Variants in KDM4C observed in about 807,000 individuals in gnomAD.
KDM4C encodes the protein lysine demethylase 4C.
KDM4C carries 81 observed loss-of-function variants against 129.3 expected under a neutral mutation model. The observed-to-expected ratio is 0.63, with a 90% confidence interval of 0.52 to 0.75. The LOEUF (loss-of-function observed/expected upper bound fraction) is 0.75. Among genes scored for constraint, KDM4C ranks in the 30% least tolerant of loss-of-function variants. The probability of loss-of-function intolerance (pLI) is 0.00; values close to 1 mark genes in which losing one functional copy is unlikely to be tolerated. For missense variants in KDM4C, 1,457 were observed against 1,304.0 expected (o/e 1.12, Z -1.81); for synonymous variants, 573 against 456.1 (o/e 1.26, Z -3.26).
chr9:6,782,208 G>C (rs1824498536), intron 1 of KDM4C, among the ~76,000 whole-genome samples: 1 of 152,168 alleles, frequency 6.6e-6, no homozygotes, highest in Admixed American at 6.5e-5. Context: ...GGAGTGCCGA[G>C]AGCATTTAAA....
At chr9:6,842,611 C>T (rs923715233) in intron 4 of KDM4C, among the ~76,000 whole-genome samples, 2 of 152,014 alleles carry the variant, frequency 1.3e-5, no homozygotes, top group African/African-American at 4.8e-5. Context: ...GCTGGGATTA[C>T]GGACGTGAGC....
intron 19 of KDM4C, among the ~76,000 whole-genome samples, chr9:7,152,401 T>C (rs144478050): frequency 3.3e-5 from 5 of 152,330 alleles, no homozygotes; most frequent in African/African-American, 1.2e-4. Context: ...ATGCTCATGA[T>C]GTAATCGTAG....
intron 4 of KDM4C, among the ~76,000 whole-genome samples, chr9:6,836,528 A>G (rs889652849): frequency 6.6e-6 from 1 of 151,466 alleles, no homozygotes; most frequent in South Asian, 2.1e-4. Context: ...GGGACCAACC[A>G]CTCTTTTTTA....
chr9:6,739,182 T>A (rs574240164), intron 1 of KDM4C, among the ~76,000 whole-genome samples: 57 of 152,080 alleles, frequency 3.7e-4, no homozygotes, highest in Non-Finnish European at 7.4e-4. Flanking sequence ...AAGCGATTCT[T>A]GTGCCTCAGC....
At chr9:6,996,082 G>A (rs998596365) in intron 12 of KDM4C, among the ~76,000 whole-genome samples, 2 of 152,210 alleles carry the variant, frequency 1.3e-5, no homozygotes, top group Non-Finnish European at 2.9e-5. Context: ...CCTGAATAGT[G>A]TACATTGTAC....
chr9:7,046,976 T>G (rs1829498046), intron 16 of KDM4C, 59 bp downstream of exon 16: 2 of 1,221,800 alleles, frequency 1.6e-6, no homozygotes, highest in East Asian at 2.3e-5. Flanking sequence ...TTCTAGAACC[T>G]TTGGATGACA....
intron 1 of KDM4C, among the ~76,000 whole-genome samples, chr9:6,763,663 A>G (rs1421650445): frequency 6.6e-6 from 1 of 152,206 alleles, no homozygotes; most frequent in Non-Finnish European, 1.5e-5. Flanking sequence ...AAAATAAGTT[A>G]ATAAAAATTC....
chr9:6,894,924 G>T (rs1846620261), intron 8 of KDM4C, among the ~76,000 whole-genome samples: 1 of 152,152 alleles, frequency 6.6e-6, no homozygotes, highest in African/African-American at 2.4e-5. Context: ...CTACCCTATG[G>T]GTTAGAGAAA....
chr9:6,949,078 A>G lies in KDM4C; in HGVS notation c.922-31847A>G, dbSNP rs1302043857. 2.8e-5 allele frequency among the ~76,000 whole-genome samples: 4 copies of G among 145,066 alleles called. No individual in the cohort carries two copies. The East Asian group carries it at 8.5e-4, about 31-fold the overall frequency. On this transcript the variant is annotated intron_variant, in intron 8 of 21. Coordinates refer to ENST00000381309, the MANE Select transcript of KDM4C (RefSeq NM_015061.6). ...GGGCGGCTGGGCAGAGGCGCCCCCC[A>G]TCTCCCGGACGGGGCGGCTGGCCGG... is the stretch of plus-strand genomic sequence containing the variant.
At chr9:6,800,141 G>A (rs1828659618) in intron 2 of KDM4C, among the ~76,000 whole-genome samples, 1 of 152,190 alleles carries the variant, frequency 6.6e-6, no homozygotes, top group African/African-American at 2.4e-5. Flanking sequence ...GCTGAGGTGG[G>A]TGGATCACTT....
intron 2 of KDM4C, among the ~76,000 whole-genome samples, chr9:6,798,424 A>T (rs1027495159): frequency 6.6e-6 from 1 of 152,030 alleles, no homozygotes; most frequent in African/African-American, 2.4e-5. Context: ...ACTTGAGATT[A>T]TGGAGTGGTG....
intron 4 of KDM4C, among the ~76,000 whole-genome samples, chr9:6,832,724 CTTTT>C (rs35060245): frequency 2.5e-5 from 3 of 119,500 alleles, no homozygotes; most frequent in Admixed American, 8.8e-5. Flanking sequence ...TGTGCCCGGC[CTTTT>C]TTTTTTTTTT....
chr9:7,168,142 C>T (rs915334586), intron 20 of KDM4C, among the ~76,000 whole-genome samples: 20 of 152,122 alleles, frequency 1.3e-4, no homozygotes, highest in African/African-American at 4.6e-4. Flanking sequence ...GAGCCGAGAT[C>T]GCGCCGTTGC....
In KDM4C at chr9:6,836,313, G is replaced by A. The variant is rs560983868; in HGVS notation, c.436-13194G>A. Among the ~76,000 whole-genome samples the A allele has an allele frequency of 2.7e-3, 418 of 152,194 alleles. 3 individuals carry two copies. The highest frequency in any genetic ancestry group is 9.4e-3 in the African/African-American group (392 of 41,506). On this transcript the variant is annotated intron_variant, in intron 4 of 21. Transcript: ENST00000381309. ...CAAAAAAATGGGAGGCGGAGGTTGCGGTGCGCCAAGATCATGCCATTGCAC... is the reference window on the plus strand; with the variant it reads ...CAAAAAAATGGGAGGCGGAGGTTGCAGTGCGCCAAGATCATGCCATTGCAC...
chr9:6,758,938 C>T lies in KDM4C; in HGVS notation c.-18+735C>T, dbSNP rs937588895. Among the ~76,000 whole-genome samples the T allele has an allele frequency of 6.6e-6, 1 of 152,188 alleles. No individual in the cohort carries two copies. Among genetic ancestry groups the T allele is most frequent in the African/African-American group, 2.4e-5 (1 of 41,448 alleles). On this transcript the variant is annotated intron_variant, in intron 1 of 21. Coordinates refer to ENST00000381309, the MANE Select transcript of KDM4C (RefSeq NM_015061.6). This position sits in a 1 kb window ranked among gnomAD's most constrained non-coding sequence, Gnocchi z 4.6. ...CTTGGGGTTTTCCTCTGTGCTCCGCCAGTAAAGCCAGCAGCCGGGATTCAG... is the reference window on the plus strand; with the variant it reads ...CTTGGGGTTTTCCTCTGTGCTCCGCTAGTAAAGCCAGCAGCCGGGATTCAG...
intron 1 of KDM4C, among the ~76,000 whole-genome samples, chr9:6,745,610 A>G (rs1470537798): frequency 2.0e-5 from 3 of 148,302 alleles, no homozygotes; most frequent in East Asian, 2.0e-4. Context: ...GCCATACTAT[A>G]TTTATTGTAT....
At chr9:7,147,451 C>T (rs1373025185) in intron 19 of KDM4C, among the ~76,000 whole-genome samples, 11 of 152,206 alleles carry the variant, frequency 7.2e-5, no homozygotes, top group Admixed American at 7.2e-4. Flanking sequence ...GAAACCACTA[C>T]AGAGAAATTC....
intron 3 of KDM4C, among the ~76,000 whole-genome samples, chr9:6,811,403 C>G (rs575804984): frequency 2.0e-4 from 30 of 152,128 alleles, no homozygotes; most frequent in Non-Finnish European, 3.8e-4. Context: ...CCGCCCACCT[C>G]GGCTTCCCAA....
At chr9:6,988,679 T>A (rs1818179808) in intron 11 of KDM4C, among the ~76,000 whole-genome samples, 1 of 151,908 alleles carries the variant, frequency 6.6e-6, no homozygotes, top group Admixed American at 6.6e-5. Context: ...CATCCATCCA[T>A]CCATCCATCC....
Sources: gnomAD v4.1 joint callset for allele counts (sites outside exome capture counted in the v4.1 genomes callset) on GRCh38, gnomAD v4.1.1 for gene constraint, Gnocchi (gnomAD v3.1) non-coding constraint, MANE v1.5 for transcripts, NCBI Gene and HGNC (gene_info 2026-07-23, HGNC 2026-07-21) for gene names.